SLC24A2: variants seen among roughly 807,000 people sequenced by gnomAD.
SLC24A2 encodes the protein sodium/potassium/calcium exchanger 2.
SLC24A2 carries 36 observed loss-of-function variants against 62.0 expected under a neutral mutation model. The ratio of observed to expected loss-of-function variants is 0.58; its 90% CI spans 0.44 to 0.77. The LOEUF is 0.77. Among genes scored for constraint, SLC24A2 ranks in the 30% least tolerant of loss-of-function variants. The pLI, the probability that SLC24A2 is intolerant of heterozygous loss-of-function variation, is 0.00. For synonymous variants in SLC24A2, 358 were observed against 294.0 expected, an observed-to-expected ratio of 1.22 and a Z score of -2.23; for missense variants, 846 against 817.9, an observed-to-expected ratio of 1.03 and a Z score of -0.42.
the SLC24A2 span, among the ~76,000 whole-genome samples, chr9:20,294,788 C>A: frequency 6.6e-6 from 1 of 152,090 alleles, no homozygotes; most frequent in African/African-American, 2.4e-5. Flanking sequence ...CACAAGTGCA[C>A]GTTGGTGACA....
intron 2 of SLC24A2, among the ~76,000 whole-genome samples, chr9:19,647,350 T>G (rs1164933060): frequency 6.6e-6 from 1 of 152,096 alleles, no homozygotes; most frequent in Admixed American, 6.5e-5. Flanking sequence ...TGTATTAGGG[T>G]TTCCTATGTC....
chr9:20,197,427 CTTTTTTTTTTTT>C, the SLC24A2 span, among the ~76,000 whole-genome samples: 2 of 93,150 alleles, frequency 2.1e-5, no homozygotes, highest in African/African-American at 9.2e-5. Context: ...CTCTCTCTCT[CTTTTTTTTTTTT>C]TTTTTTTTTT....
Position 19,550,164 on chromosome 9 carries a change from C to G in SLC24A2, c.1452G>C (p.Trp484Cys). 2 of 1,614,034 alleles carry G rather than the reference C, an allele frequency of 1.2e-6. No homozygotes were observed. The highest frequency in any genetic ancestry group is 1.7e-6 in the Non-Finnish European group (2 of 1,179,976). The stretch of plus-strand genomic sequence containing the variant: ...GTTTGCGAACGTCAGGTAACGTAAT[C>G]CAGAGAGGAAACACTATGGGGAAAA... ...LIVFPIVFPLWITLPDVRKPS... is the reference protein window; with the variant it reads ...LIVFPIVFPLCITLPDVRKPS... Residue 484 changes from tryptophan (W) to cysteine (C), a missense_variant, in exon 8 of 11, where the codon TGG becomes TGC. Trp to Cys is a radical substitution (Grantham distance 215, BLOSUM62 -2). Coordinates refer to ENST00000341998, the MANE Select transcript of SLC24A2 (RefSeq NM_020344.4).
At chr9:20,011,480 G>A in the SLC24A2 span, among the ~76,000 whole-genome samples, 82 of 152,162 alleles carry the variant, frequency 5.4e-4, no homozygotes, top group African/African-American at 1.9e-3. Context: ...GAGGGTATTC[G>A]AACACAGGAC....
intron 2 of SLC24A2, among the ~76,000 whole-genome samples, chr9:19,627,376 G>C (rs2117955491): frequency 6.6e-6 from 1 of 152,258 alleles, no homozygotes; most frequent in South Asian, 2.1e-4. Context: ...TATGGAAGGA[G>C]TAGAAGAGAA....
chr9:19,881,431 T>C, the SLC24A2 span, among the ~76,000 whole-genome samples: 1 of 152,068 alleles, frequency 6.6e-6, no homozygotes, highest in Non-Finnish European at 1.5e-5. Flanking sequence ...ATAGAGATTT[T>C]AGGGGACCTT....
At chr9:19,688,284 A>G (rs1453529391) in intron 2 of SLC24A2, among the ~76,000 whole-genome samples, 2 of 152,142 alleles carry the variant, frequency 1.3e-5, no homozygotes, top group African/African-American at 4.8e-5. Context: ...GGCACATCAT[A>G]TAACTTCTCC....
the SLC24A2 span, chr9:19,929,203 C>A: frequency 1.3e-5 from 2 of 152,202 alleles, no homozygotes; most frequent in Non-Finnish European, 2.9e-5. Flanking sequence ...ACTCCAAATT[C>A]CTCAGCCCAA....
At chr9:19,564,538 CTGTA>C (rs764953899) in intron 7 of SLC24A2, among the ~76,000 whole-genome samples, 25 of 74,096 alleles carry the variant, frequency 3.4e-4, no homozygotes, top group Admixed American at 1.1e-3. Flanking sequence ...CTATCTCTCT[CTGTA>C]TCTATCTGTC....
chr9:19,944,544 A>G, the SLC24A2 span, among the ~76,000 whole-genome samples: 2 of 152,154 alleles, frequency 1.3e-5, no homozygotes, highest in Non-Finnish European at 2.9e-5. Context: ...ATAGGTTTGA[A>G]AGAAATTTTA....
chr9:19,725,971 G>GA (rs1342907628), intron 2 of SLC24A2, among the ~76,000 whole-genome samples: 3 of 151,986 alleles, frequency 2.0e-5, no homozygotes, highest in Admixed American at 6.6e-5. Context: ...GAGCATTGGG[G>GA]AAAAAAAGTA....
At chr9:19,744,106 A>G (rs1821759010) in intron 2 of SLC24A2, among the ~76,000 whole-genome samples, 2 of 152,192 alleles carry the variant, frequency 1.3e-5, no homozygotes, top group East Asian at 1.9e-4. Flanking sequence ...GTGATGTTAC[A>G]ATACATCAAT....
intron 2 of SLC24A2, among the ~76,000 whole-genome samples, chr9:19,734,201 T>C (rs1221075177): frequency 6.6e-6 from 1 of 150,938 alleles, no homozygotes; most frequent in Non-Finnish European, 1.5e-5. Flanking sequence ...GTTGTAGATA[T>C]GTGGCATTAT....
the SLC24A2 span, among the ~76,000 whole-genome samples, chr9:20,293,807 T>G: frequency 0.017 from 2,643 of 152,288 alleles, 74 homozygotes; most frequent in African/African-American, 0.058. Flanking sequence ...TAGAGATATT[T>G]GAAGACATTT....
chr9:20,042,455 C>G, the SLC24A2 span, among the ~76,000 whole-genome samples: 2 of 152,178 alleles, frequency 1.3e-5, no homozygotes, highest in Non-Finnish European at 2.9e-5. Flanking sequence ...AATCCTAGAT[C>G]TAAGATTTCT....
the SLC24A2 span, among the ~76,000 whole-genome samples, chr9:19,968,509 C>CT: frequency 4.5e-4 from 68 of 152,270 alleles, 1 homozygote; most frequent in East Asian, 0.012. Flanking sequence ...TCCACAGACT[C>CT]TAAGAAGTGG....
chr9:20,181,795 T>C, the SLC24A2 span, among the ~76,000 whole-genome samples: 1 of 152,176 alleles, frequency 6.6e-6, no homozygotes. Flanking sequence ...GGGATCTAAT[T>C]AAATTAAAGA....
chr9:20,020,001 C>A, the SLC24A2 span, among the ~76,000 whole-genome samples: 1 of 152,022 alleles, frequency 6.6e-6, no homozygotes. Context: ...TAGAGAAATG[C>A]AAATCAAAAC....
At chr9:19,676,459 G>A (rs1819562720) in intron 2 of SLC24A2, among the ~76,000 whole-genome samples, 1 of 152,168 alleles carries the variant, frequency 6.6e-6, no homozygotes, top group Non-Finnish European at 1.5e-5. Flanking sequence ...AATCTGAAGA[G>A]CTGGGCTCTG....
Sources: allele counts gnomAD v4.1 joint callset (sites outside exome capture counted in the v4.1 genomes callset), GRCh38; gene constraint gnomAD v4.1.1; transcripts MANE v1.5; gene names NCBI Gene and HGNC (gene_info 2026-07-23, HGNC 2026-07-21).